PAPPA: variants seen among roughly 807,000 people sequenced by gnomAD.
PAPPA encodes the protein pappalysin-1.
Under a neutral mutation model 164.0 loss-of-function variants are expected in PAPPA, and 60 were observed. That is an observed-to-expected ratio of 0.37 (90% CI 0.30 to 0.45). The LOEUF is 0.45. Among genes scored for constraint, PAPPA ranks in the 20% least tolerant of loss-of-function variants. PAPPA has a pLI of 1.00. For synonymous variants in PAPPA, 875 were observed against 814.1 expected, an observed-to-expected ratio of 1.07 and a Z score of -1.27; for missense variants, 1,782 against 2,087.3, an observed-to-expected ratio of 0.85 and a Z score of 2.85.
chr9:116,287,840 A>G (rs958555926), intron 9 of PAPPA, among the ~76,000 whole-genome samples: 1 of 152,204 alleles, frequency 6.6e-6, no homozygotes, highest in Non-Finnish European at 1.5e-5. Flanking sequence ...TGGTCCAGCT[A>G]GGACTGGAGA....
chr9:116,262,876 T>G (rs1587977578), intron 7 of PAPPA, among the ~76,000 whole-genome samples: 1 of 152,218 alleles, frequency 6.6e-6, no homozygotes, highest in East Asian at 1.9e-4. Flanking sequence ...AGCCACTAGC[T>G]TATCCTTCTG....
In PAPPA at chr9:116,258,734, T is replaced by C. The variant is rs1465126247; in HGVS notation, c.2733-7123T>C. Among the ~76,000 whole-genome samples the C allele has an allele frequency of 2.6e-5, 4 of 152,332 alleles. No individual in the cohort carries two copies. In the South Asian group the frequency reaches 6.2e-4, roughly 24 times the overall value. On this transcript the variant is annotated intron_variant, in intron 7 of 21. Transcript: ENST00000328252. ...TGGCAAAGGCAGTATTACAATTCAG[T>C]AGTGAAAGGATTAACTGTTATCTTA...
At chr9:116,363,700 G>A (rs1846460300) in intron 18 of PAPPA, among the ~76,000 whole-genome samples, 1 of 152,208 alleles carries the variant, frequency 6.6e-6, no homozygotes, top group Non-Finnish European at 1.5e-5. Context: ...GGGGTGTCTG[G>A]TGTAGAAGGT....
chr9:116,207,084 T>C (rs1844245228), intron 2 of PAPPA, among the ~76,000 whole-genome samples: 1 of 152,124 alleles, frequency 6.6e-6, no homozygotes, highest in African/African-American at 2.4e-5. Context: ...TGTGTGCTAC[T>C]GGCTGGGCTC....
At chr9:116,264,853 G>A (rs1416087616) in intron 7 of PAPPA, among the ~76,000 whole-genome samples, 1 of 152,180 alleles carries the variant, frequency 6.6e-6, no homozygotes, top group Non-Finnish European at 1.5e-5. Flanking sequence ...GGGGGATGTG[G>A]TCGTGTGGAA....
chr9:116,325,842 AT>A (rs1434649458), intron 10 of PAPPA, among the ~76,000 whole-genome samples: 1 of 152,078 alleles, frequency 6.6e-6, no homozygotes, highest in African/African-American at 2.4e-5. Context: ...AAAGTGCACT[AT>A]TTCTGGGAGA....
chr9:116,335,635 G>T (rs1846051981), intron 13 of PAPPA, among the ~76,000 whole-genome samples: 1 of 152,170 alleles, frequency 6.6e-6, no homozygotes, highest in African/African-American at 2.4e-5. Flanking sequence ...CTCCCTCAGT[G>T]CTTTTGAGGT....
chr9:116,206,633 A>G (rs2118673739), intron 2 of PAPPA, among the ~76,000 whole-genome samples: 1 of 152,280 alleles, frequency 6.6e-6, no homozygotes, highest in Middle Eastern at 3.4e-3. Flanking sequence ...GCCTTCCCCC[A>G]GGTGGCCACA....
chr9:116,218,599 G>C (rs1432555490), intron 4 of PAPPA, among the ~76,000 whole-genome samples: 1 of 152,136 alleles, frequency 6.6e-6, no homozygotes. Context: ...CTGGAAAAGA[G>C]AGATTAGGAT....
At chr9:116,339,810 G>A (rs374810314) in intron 13 of PAPPA, among the ~76,000 whole-genome samples, 10 of 152,092 alleles carry the variant, frequency 6.6e-5, no homozygotes, top group African/African-American at 1.4e-4. Context: ...GGCTTTATCC[G>A]GGTTCCAGCA....
At chr9:116,196,663 C>T (rs542628257) in intron 2 of PAPPA, among the ~76,000 whole-genome samples, 1 of 152,208 alleles carries the variant, frequency 6.6e-6, no homozygotes, top group Non-Finnish European at 1.5e-5. Flanking sequence ...AACAGCATTG[C>T]ATTTTGTTCA....
chr9:116,166,713 G>A (rs1843723533), intron 1 of PAPPA, among the ~76,000 whole-genome samples: 1 of 152,220 alleles, frequency 6.6e-6, no homozygotes, highest in African/African-American at 2.4e-5. Context: ...CTGAAACTGG[G>A]TTATAAAGTT....
chr9:116,193,463 T>G (rs750108997), intron 2 of PAPPA, among the ~76,000 whole-genome samples: 1 of 152,088 alleles, frequency 6.6e-6, no homozygotes, highest in Non-Finnish European at 1.5e-5. Flanking sequence ...AGTAGATGGG[T>G]CCAGTACTTT....
chr9:116,204,657 C>T (rs932052457), intron 2 of PAPPA, among the ~76,000 whole-genome samples: 6 of 152,108 alleles, frequency 3.9e-5, no homozygotes, highest in African/African-American at 1.4e-4. Flanking sequence ...CTCAAGCATT[C>T]CTGCCGCCTT....
chr9:116,398,374 C>G lies in PAPPA; in HGVS notation c.*1758C>G. The G allele has an allele frequency of 3.0e-6, 1 of 335,396 alleles. No homozygotes were observed. Among genetic ancestry groups the G allele is most frequent in the South Asian group, 2.4e-5 (1 of 41,616 alleles). 20.8% of individuals were successfully genotyped at this position (335,396 alleles called of 1,614,324 possible). A position where few individuals can be genotyped will look rare whatever the true frequency, so the allele number is the denominator to read the frequency against. On this transcript the variant is annotated 3_prime_UTR_variant, in exon 22 of 22. Coordinates refer to ENST00000328252, the MANE Select transcript of PAPPA (RefSeq NM_002581.5). ...GTCATCTCAAGTCTAGTGAAGACAG[C>G]CAACAGAAACAAAACCTAGCATAGG...
chr9:116,175,416 A>G (rs1242064653), intron 1 of PAPPA, among the ~76,000 whole-genome samples: 1 of 152,246 alleles, frequency 6.6e-6, no homozygotes, highest in Non-Finnish European at 1.5e-5. Flanking sequence ...AGCATGTAAG[A>G]TAATGCATAC....
rs892959505 is a variant in PAPPA at position 116,401,325 on chromosome 9, C to T, written c.*4709C>T. The T allele has an allele frequency of 6.6e-6, 1 of 152,592 alleles. No homozygotes were observed. The highest frequency in any genetic ancestry group is 1.5e-5 in the Non-Finnish European group (1 of 68,026). The allele number at this position is 152,592 out of a possible 1,614,324, so 9.5% of individuals were successfully genotyped here. On this transcript the variant is annotated 3_prime_UTR_variant, in exon 22 of 22. Coordinates refer to ENST00000328252, the MANE Select transcript of PAPPA (RefSeq NM_002581.5). ...AAGGGAGTCTCTAAAATCTCTTCTT[C>T]AGAAGGCACCTCACTTCTCAGACTT...
intron 2 of PAPPA, among the ~76,000 whole-genome samples, chr9:116,195,008 C>T (rs1053732604): frequency 2.0e-5 from 3 of 152,140 alleles, no homozygotes; most frequent in African/African-American, 7.2e-5. Flanking sequence ...CACTGGCTTA[C>T]TTTTAAAATG....
chr9:116,309,641 G>A (rs1045994092), intron 10 of PAPPA, among the ~76,000 whole-genome samples: 1 of 152,066 alleles, frequency 6.6e-6, no homozygotes, highest in Non-Finnish European at 1.5e-5. Context: ...AGGGAGGACG[G>A]GAGAGGGAGG....
Sources: allele counts gnomAD v4.1 joint callset (sites outside exome capture counted in the v4.1 genomes callset), GRCh38; gene constraint gnomAD v4.1.1; transcripts MANE v1.5; gene names NCBI Gene and HGNC (gene_info 2026-07-23, HGNC 2026-07-21).